Variants in DAAM1 observed in about 807,000 individuals in gnomAD.
The protein encoded by DAAM1 is disheveled-associated activator of morphogenesis 1.
DAAM1 carries 52 observed loss-of-function variants against 130.0 expected under a neutral mutation model. That is an observed-to-expected ratio of 0.40 (90% CI 0.32 to 0.50). The LOEUF (loss-of-function observed/expected upper bound fraction) is 0.50, where lower values mean the gene tolerates loss of function less well. Ranked by LOEUF, DAAM1 falls within the 20% of genes least tolerant of loss-of-function variation. The pLI is 0.61. For missense variants in DAAM1, 1,134 were observed against 1,303.8 expected, an observed-to-expected ratio of 0.87 and a Z score of 2.01; for synonymous variants, 452 against 444.5, an observed-to-expected ratio of 1.02 and a Z score of -0.21.
intron 1 of DAAM1, among the ~76,000 whole-genome samples, chr14:59,202,995 CTT>C (rs1159998453): frequency 1.0e-4 from 14 of 139,458 alleles, no homozygotes; most frequent in East Asian, 2.1e-4. Context: ...CATGAGCTTT[CTT>C]TTTTTTTTTT....
chr14:59,200,646 T>C (rs1377286458), intron 1 of DAAM1, among the ~76,000 whole-genome samples: 2 of 152,204 alleles, frequency 1.3e-5, no homozygotes, highest in African/African-American at 4.8e-5. Flanking sequence ...AGATAATGCT[T>C]AAGGAAGCAT....
chr14:59,256,418 G>A (rs1881886825), intron 1 of DAAM1, among the ~76,000 whole-genome samples: 1 of 152,174 alleles, frequency 6.6e-6, no homozygotes. Context: ...TTCTAGCTAG[G>A]CCACAGATGG....
At chr14:59,322,769 A>C (rs1885061603) in intron 5 of DAAM1, 123 bp from the exon 6 acceptor site, 2 of 744,220 alleles carry the variant, frequency 2.7e-6, no homozygotes, top group East Asian at 2.5e-5. Context: ...AGACTTCATC[A>C]ATGTAAGCCT....
chr14:59,193,649 T>A (rs576824262), intron 1 of DAAM1, among the ~76,000 whole-genome samples: 1 of 152,340 alleles, frequency 6.6e-6, no homozygotes, highest in East Asian at 1.9e-4. Context: ...CCAATTAATC[T>A]GGGGTTACCA....
chr14:59,202,995 CT>C lies in DAAM1; in HGVS notation c.-38+14241del, dbSNP rs1159998453. Among the ~76,000 whole-genome samples, 435 of 139,414 alleles carry C rather than the reference CT, an allele frequency of 3.1e-3. 1 individual carries two copies. The highest frequency in any genetic ancestry group is 4.9e-3 in the Admixed American group (68 of 13,856). 91.5% of individuals were successfully genotyped at this position (139,414 alleles called of 152,430 possible). The stretch of plus-strand genomic sequence containing the variant: ...CAGTTAAAGACAGAACATGAGCTTT[CT>C]TTTTTTTTTTTTTGAGATGGAACCT... On this transcript the variant is annotated intron_variant, in intron 1 of 24. Coordinates refer to ENST00000360909, the MANE Select transcript of DAAM1 (RefSeq NM_001270520.2).
chr14:59,291,374 A>G, intron 3 of DAAM1, 68 bp downstream of exon 3: 2 of 1,272,170 alleles, frequency 1.6e-6, no homozygotes, highest in Non-Finnish European at 2.2e-6. Context: ...CTTCCATTTC[A>G]CCACTAGAAT....
At chr14:59,360,944 T>C in intron 22 of DAAM1, 82 bp downstream of exon 22, 1 of 1,277,188 alleles carries the variant, frequency 7.8e-7, no homozygotes, top group Non-Finnish European at 1.1e-6. Flanking sequence ...ATGGGTTGTG[T>C]TGGCATGTGG....
chr14:59,277,549 C>T (rs1176403316), intron 2 of DAAM1, among the ~76,000 whole-genome samples: 1 of 151,122 alleles, frequency 6.6e-6, no homozygotes, highest in Non-Finnish European at 1.5e-5. Context: ...TAATTAATAT[C>T]ATCTCCAAGA....
intron 1 of DAAM1, among the ~76,000 whole-genome samples, chr14:59,209,419 G>T (rs1028284476): frequency 6.6e-6 from 1 of 152,014 alleles, no homozygotes; most frequent in Non-Finnish European, 1.5e-5. Flanking sequence ...CGTAATTTTC[G>T]TTTTTCTAAA....
At chr14:59,268,462 T>A (rs1273167148) in intron 2 of DAAM1, among the ~76,000 whole-genome samples, 2 of 152,206 alleles carry the variant, frequency 1.3e-5, no homozygotes, top group African/African-American at 4.8e-5. Context: ...CCACCAGCAA[T>A]GTATGAGGGT....
intron 1 of DAAM1, among the ~76,000 whole-genome samples, chr14:59,210,100 C>T (rs1049988630): frequency 2.0e-5 from 3 of 152,158 alleles, no homozygotes; most frequent in African/African-American, 7.2e-5. Flanking sequence ...TATGATACAG[C>T]CAGTGCACCC....
intron 1 of DAAM1, among the ~76,000 whole-genome samples, chr14:59,224,799 G>T (rs1451459333): frequency 6.6e-6 from 1 of 152,200 alleles, no homozygotes; most frequent in East Asian, 1.9e-4. Flanking sequence ...GCTATTAGAA[G>T]GTGGTGTCTT....
chr14:59,351,447 G>A (rs1456682025), intron 17 of DAAM1, among the ~76,000 whole-genome samples: 2 of 152,056 alleles, frequency 1.3e-5, no homozygotes, highest in Admixed American at 6.5e-5. Flanking sequence ...GCTACTCCCT[G>A]CCTTTGCCTA....
At chr14:59,288,860 A>AGAGAGAGAGAGAGC (rs1018804753) in intron 2 of DAAM1, among the ~76,000 whole-genome samples, 33 of 144,120 alleles carry the variant, frequency 2.3e-4, no homozygotes, top group African/African-American at 6.3e-4. Flanking sequence ...AGAGAGAGAG[A>AGAGAGAGAGAGAGC]GCGCGCGAAG....
At chr14:59,245,845 A>G (rs1385587807) in intron 1 of DAAM1, among the ~76,000 whole-genome samples, 3 of 152,218 alleles carry the variant, frequency 2.0e-5, no homozygotes, top group Non-Finnish European at 4.4e-5. Context: ...TAACAATTGT[A>G]GAGTTGAGTG....
chr14:59,271,330 A>G (rs944006566), intron 2 of DAAM1, among the ~76,000 whole-genome samples: 3 of 152,166 alleles, frequency 2.0e-5, no homozygotes, highest in Non-Finnish European at 4.4e-5. Context: ...ATGAGAAGGT[A>G]GTGATGGTGG....
chr14:59,363,518 A>G, intron 22 of DAAM1, 133 bp from the exon 23 acceptor site: 1 of 1,332,556 alleles, frequency 7.5e-7, no homozygotes, highest in African/African-American at 1.5e-5. Context: ...GTATAACAAA[A>G]TGTTTTAGAA....
chr14:59,326,132 A>T (rs1278070227), intron 10 of DAAM1, 55 bp downstream of exon 10: 2 of 1,536,200 alleles, frequency 1.3e-6, no homozygotes, highest in Non-Finnish European at 1.8e-6. Flanking sequence ...CATTGTCCTA[A>T]TGGGTTCTGG....
intron 2 of DAAM1, among the ~76,000 whole-genome samples, chr14:59,280,651 GAGTC>G (rs1167970201): frequency 4.1e-5 from 6 of 147,664 alleles, no homozygotes; most frequent in Non-Finnish European, 8.9e-5. Context: ...TTCACAATGA[GAGTC>G]AGACGTACCA....
Sources: allele counts gnomAD v4.1 joint callset (sites outside exome capture counted in the v4.1 genomes callset), GRCh38; gene constraint gnomAD v4.1.1; transcripts MANE v1.5; gene names NCBI Gene and HGNC (gene_info 2026-07-23, HGNC 2026-07-21).